Variants in TSNARE1 observed in about 807,000 individuals in gnomAD.
The protein encoded by TSNARE1 is t-SNARE domain-containing protein 1.
TSNARE1 carries 49 observed loss-of-function variants against 62.0 expected under a neutral mutation model. That is an observed-to-expected ratio of 0.79 (90% CI 0.63 to 1.00). The LOEUF is 1.00. TSNARE1 is among the 50% of genes least tolerant of loss of function. The probability of loss-of-function intolerance (pLI) is 0.00; values close to 1 mark genes in which losing one functional copy is unlikely to be tolerated. For missense variants in TSNARE1, 755 were observed against 700.1 expected, an observed-to-expected ratio of 1.08 and a Z score of -0.88; for synonymous variants, 328 against 294.4, an observed-to-expected ratio of 1.11 and a Z score of -1.17.
chr8:142,242,295 T>C (rs1055710742), intron 12 of TSNARE1, among the ~76,000 whole-genome samples: 8 of 152,268 alleles, frequency 5.3e-5, no homozygotes, highest in Admixed American at 5.2e-4. Flanking sequence ...ATGTGAGACC[T>C]AAAACTGTAA....
chr8:142,353,857 C>T lies in TSNARE1; in HGVS notation c.88+780G>A, dbSNP rs544261812. On this transcript the variant is annotated intron_variant, in intron 2 of 13. Coordinates refer to ENST00000524325, the MANE Select transcript of TSNARE1 (RefSeq NM_145003.5). Reference sequence around the variant, plus strand: ...GAGAAGGGCCCCACGGCGAGGGAGCCCCTGCCTGCACAGCTGTTAGGCTGA... The same window carrying T: ...GAGAAGGGCCCCACGGCGAGGGAGCTCCTGCCTGCACAGCTGTTAGGCTGA... Among the ~76,000 whole-genome samples the T allele has an allele frequency of 1.5e-3, 232 of 152,358 alleles. 2 individuals are homozygous for T. In the Middle Eastern group the frequency reaches 0.017, roughly 11 times the overall value.
intron 9 of TSNARE1, among the ~76,000 whole-genome samples, chr8:142,307,192 C>T (rs1826837603): frequency 6.6e-6 from 1 of 152,240 alleles, no homozygotes; most frequent in South Asian, 2.1e-4. Flanking sequence ...ATGAATTCAG[C>T]TTGGACTCAG....
intron 6 of TSNARE1, among the ~76,000 whole-genome samples, chr8:142,324,512 G>A (rs531737710): frequency 3.3e-5 from 5 of 152,286 alleles, no homozygotes; most frequent in East Asian, 3.9e-4. Context: ...CTAGTCTGCC[G>A]GGGCCAGAAC....
chr8:142,338,684 G>A (rs940438690), intron 4 of TSNARE1, among the ~76,000 whole-genome samples: 1 of 152,266 alleles, frequency 6.6e-6, no homozygotes, highest in Non-Finnish European at 1.5e-5. Flanking sequence ...TGCCGGAGGG[G>A]ATGAGCTGAA....
chr8:142,330,168 C>T (rs1191304422), intron 6 of TSNARE1, among the ~76,000 whole-genome samples: 1 of 152,212 alleles, frequency 6.6e-6, no homozygotes. Flanking sequence ...CAGGCCAGCA[C>T]AGGAGGTCAC....
intron 12 of TSNARE1, among the ~76,000 whole-genome samples, chr8:142,244,830 A>G (rs13282237): frequency 0.55 from 83,569 of 152,114 alleles, 24,106 homozygotes; most frequent in African/African-American, 0.72. Flanking sequence ...AGGGGAGCAG[A>G]GGGAGCAGGG....
intron 9 of TSNARE1, among the ~76,000 whole-genome samples, chr8:142,309,173 C>T (rs757977898): frequency 2.6e-5 from 4 of 152,150 alleles, no homozygotes; most frequent in Admixed American, 6.5e-5. Context: ...TCTGACAGCA[C>T]GCTACAGGTG....
intron 12 of TSNARE1, chr8:142,270,350 C>A (rs1819412075): frequency 2.0e-6 from 2 of 985,320 alleles, no homozygotes; most frequent in Admixed American, 6.1e-5. Context: ...CTCCAACTCA[C>A]GTGCTCGTCA....
intron 1 of TSNARE1, among the ~76,000 whole-genome samples, chr8:142,361,994 G>A (rs554248035): frequency 1.3e-5 from 2 of 152,362 alleles, no homozygotes; most frequent in African/African-American, 4.8e-5. Context: ...TTCAAGAGGA[G>A]AAACTGAATG....
At position 142,397,516 on chromosome 8, in the gene TSNARE1, C is replaced by A. The variant is rs79054704; in HGVS notation, c.-40+5588G>T. 2.4e-3 allele frequency among the ~76,000 whole-genome samples: 366 copies of A among 152,318 alleles called. 1 individual carries two copies. Among genetic ancestry groups the A allele is most frequent in the African/African-American group, 8.6e-3 (359 of 41,574 alleles). Reference sequence around the variant, plus strand: ...GTCCCACGGCTAAGATGTGGCAATGCTGTGTCCCTACCTGGATGTTACGTA... The same window carrying A: ...GTCCCACGGCTAAGATGTGGCAATGATGTGTCCCTACCTGGATGTTACGTA... On this transcript the variant is annotated intron_variant, in intron 1 of 13. Transcript: ENST00000524325.
intron 1 of TSNARE1, among the ~76,000 whole-genome samples, chr8:142,356,515 A>C (rs1834751528): frequency 1.3e-5 from 2 of 152,206 alleles, no homozygotes; most frequent in Admixed American, 6.5e-5. Flanking sequence ...AGAGCTCTGC[A>C]CATGTGCCGG....
intron 9 of TSNARE1, among the ~76,000 whole-genome samples, chr8:142,307,104 C>T (rs966366956): frequency 6.6e-6 from 1 of 152,174 alleles, no homozygotes. Flanking sequence ...GCGTTATGTC[C>T]GAGGCATCAC....
intron 11 of TSNARE1, chr8:142,279,827 CG>C (rs902094088): frequency 1.8e-5 from 18 of 1,005,426 alleles, no homozygotes; most frequent in South Asian, 1.6e-4. Flanking sequence ...CAGTGTGGTC[CG>C]GGGGGGCGGG....
At chr8:142,258,297 A>G (rs1818689656) in intron 12 of TSNARE1, among the ~76,000 whole-genome samples, 1 of 152,000 alleles carries the variant, frequency 6.6e-6, no homozygotes, top group Non-Finnish European at 1.5e-5. Context: ...GCACACACAC[A>G]CGGATGCATG....
intron 12 of TSNARE1, among the ~76,000 whole-genome samples, chr8:142,238,800 C>T (rs1312688194): frequency 6.6e-6 from 1 of 151,272 alleles, no homozygotes; most frequent in South Asian, 2.1e-4. Context: ...TGTACACCCA[C>T]CCCTGCACAC....
At chr8:142,341,582 A>T (rs1437333016) in intron 4 of TSNARE1, among the ~76,000 whole-genome samples, 1 of 152,172 alleles carries the variant, frequency 6.6e-6, no homozygotes, top group African/African-American at 2.4e-5. Context: ...TCTTGGACAC[A>T]GGCTAGGACA....
At chr8:142,278,674 A>G (rs1820903272) in intron 11 of TSNARE1, 1 of 985,270 alleles carries the variant, frequency 1.0e-6, no homozygotes, top group Non-Finnish European at 1.2e-6. Flanking sequence ...GCTGCAGACG[A>G]GGCCTGACCA....
At chr8:142,341,884 C>T (rs1399532955) in intron 4 of TSNARE1, among the ~76,000 whole-genome samples, 1 of 152,218 alleles carries the variant, frequency 6.6e-6, no homozygotes, top group Admixed American at 6.5e-5. Context: ...CCACTCGAAC[C>T]CTGTGAGGAG....
At chr8:142,280,379 G>A (rs1486734788) in intron 11 of TSNARE1, 11 of 967,432 alleles carry the variant, frequency 1.1e-5, no homozygotes, top group South Asian at 4.8e-5. Context: ...AGAGCAGCCA[G>A]GTTCGGGGTC....
Sources: gnomAD v4.1 joint callset for allele counts (sites outside exome capture counted in the v4.1 genomes callset) on GRCh38, gnomAD v4.1.1 for gene constraint, MANE v1.5 for transcripts, NCBI Gene and HGNC (gene_info 2026-07-23, HGNC 2026-07-21) for gene names.